The following SSR1 variants were observed in gnomAD, a reference collection of about 807,000 sequenced individuals.
The protein encoded by SSR1 is translocon-associated protein subunit alpha.
A neutral mutation model predicts 36.1 loss-of-function variants in SSR1; 13 were observed. That is an observed-to-expected ratio of 0.36 (90% CI 0.23 to 0.57). The LOEUF is 0.57. Ranked by LOEUF, SSR1 falls within the 20% of genes least tolerant of loss-of-function variation. The pLI, the probability that SSR1 is intolerant of heterozygous loss-of-function variation, is 0.81. For synonymous variants in SSR1, 113 were observed against 118.9 expected, an observed-to-expected ratio of 0.95 and a Z score of 0.32; for missense variants, 291 against 338.5, an observed-to-expected ratio of 0.86 and a Z score of 1.10.
At chr6:7,298,968 A>G (rs1757864738) in intron 4 of SSR1, 145 bp from the exon 5 acceptor site, 1 of 634,756 alleles carries the variant, frequency 1.6e-6, no homozygotes, top group Non-Finnish European at 2.7e-6. Flanking sequence ...ATGTAACTGC[A>G]ATATTCTGTG....
At chr6:7,297,754 A>G (rs917407293) in intron 6 of SSR1, among the ~76,000 whole-genome samples, 169 bp downstream of exon 6, 4 of 152,184 alleles carry the variant, frequency 2.6e-5, no homozygotes, top group African/African-American at 9.7e-5. Flanking sequence ...GTAAGTTTAA[A>G]TGAATCAATT....
rs924327546 is a variant in SSR1 at position 7,285,948 on chromosome 6, T to C, written c.*3916A>G. ...GGTATTGTGGGTAACTGAATTATCATAGATACAATACAGCAAGTATATATG... is the reference window on the plus strand; with the variant it reads ...GGTATTGTGGGTAACTGAATTATCACAGATACAATACAGCAAGTATATATG... On this transcript the variant is annotated 3_prime_UTR_variant, in exon 8 of 8. Transcript: ENST00000244763. This position sits in a 1 kb window ranked among gnomAD's most constrained non-coding sequence, Gnocchi z 4.1. 6.6e-6 allele frequency: 1 copy of C among 152,210 alleles called. No individual in the cohort carries two copies. Among genetic ancestry groups the C allele is most frequent in the Non-Finnish European group, 1.5e-5 (1 of 68,032 alleles). 9.4% of individuals were successfully genotyped at this position (152,210 alleles called of 1,614,324 possible). A position where few individuals can be genotyped will look rare whatever the true frequency, so the allele number is the denominator to read the frequency against.
intron 5 of SSR1, 65 bp downstream of exon 5, chr6:7,298,682 G>C (rs1757856881): frequency 1.6e-6 from 2 of 1,249,916 alleles, no homozygotes; most frequent in South Asian, 2.4e-5. Context: ...TGCTGAAACA[G>C]AGCAAGCTTT....
At chr6:7,291,548 C>T (rs776076293) in intron 7 of SSR1, among the ~76,000 whole-genome samples, 30 of 152,190 alleles carry the variant, frequency 2.0e-4, no homozygotes, top group Non-Finnish European at 4.0e-4. Context: ...GTTTCAGGGG[C>T]TCTTCAACTT....
intron 1 of SSR1, among the ~76,000 whole-genome samples, chr6:7,311,509 T>C (rs1758194501): frequency 6.6e-6 from 1 of 152,240 alleles, no homozygotes; most frequent in African/African-American, 2.4e-5. Context: ...CCATGCATTA[T>C]GAACTAAAGA....
chr6:7,295,130 G>A, intron 7 of SSR1: 1 of 1,515,260 alleles, frequency 6.6e-7, no homozygotes, highest in Middle Eastern at 1.7e-4. Flanking sequence ...AAAGAGACAG[G>A]AAATGGATTA....
intron 2 of SSR1, among the ~76,000 whole-genome samples, chr6:7,308,242 C>G (rs1000490243): frequency 1.2e-4 from 18 of 151,992 alleles, no homozygotes; most frequent in Non-Finnish European, 2.9e-5. Context: ...TAGGGACATC[C>G]TATCCAGATA....
At chr6:7,297,885 T>C (rs751177399) in intron 6 of SSR1, 38 bp downstream of exon 6, 1 of 1,562,328 alleles carries the variant, frequency 6.4e-7, no homozygotes, top group African/African-American at 1.4e-5. Flanking sequence ...TTAACAACTT[T>C]TGAAACACGG....
intron 7 of SSR1, among the ~76,000 whole-genome samples, chr6:7,291,194 G>C (rs1450340282): frequency 6.6e-6 from 1 of 152,122 alleles, no homozygotes; most frequent in Non-Finnish European, 1.5e-5. Flanking sequence ...AGGAGTTCAA[G>C]ACCAGCCCAG....
chr6:7,294,902 C>A (rs974516673), intron 7 of SSR1, among the ~76,000 whole-genome samples: 2 of 152,048 alleles, frequency 1.3e-5, no homozygotes, highest in African/African-American at 4.8e-5. Context: ...TGAAATGTAT[C>A]TGTAAAATAA....
At position 7,309,969 on chromosome 6, in the gene SSR1, A is replaced by C. The variant is rs778128422; in HGVS notation, c.140T>G (p.Ile47Ser). 8.8e-5 allele frequency: 142 copies of C among 1,613,874 alleles called. No homozygotes were observed. The highest frequency in any genetic ancestry group is 1.2e-4 in the Non-Finnish European group (141 of 1,180,010). Residue 47 changes from isoleucine to serine, a missense_variant, in exon 2 of 8, where the codon ATT (isoleucine) becomes AGT (serine). Physicochemically the swap from Ile to Ser is moderately radical, Grantham distance 142 (BLOSUM62 -2). Coordinates refer to ENST00000244763, the MANE Select transcript of SSR1 (RefSeq NM_003144.5). ...CTCGGCTTCATCATCTTCATCCTCA[A>C]TTATGGAATCTTCTACTGTTTCTTC... ...EDEETVEDSI[I>S]EDEDDEAEVE...
Position 7,292,249 on chromosome 6 carries a change from A to C in SSR1, c.794-2318T>G, listed in dbSNP as rs73719086. 1.5e-3 allele frequency among the ~76,000 whole-genome samples: 222 copies of C among 152,240 alleles called. 2 individuals carry two copies. Among genetic ancestry groups the C allele is most frequent in the African/African-American group, 5.1e-3 (212 of 41,532 alleles). On this transcript the variant is annotated intron_variant, in intron 7 of 7. Transcript: ENST00000244763. Reference sequence around the variant, plus strand: ...CACTCAGCATAGCTAATCCAAACACATCTCTCCTCATCCTTCCATGCTTCT... The same window carrying C: ...CACTCAGCATAGCTAATCCAAACACCTCTCTCCTCATCCTTCCATGCTTCT...
chr6:7,303,631 C>T lies in SSR1; in HGVS notation c.199G>A (p.Asp67Asn). 7.5e-6 allele frequency: 12 copies of T among 1,610,358 alleles called. No homozygotes were observed. Among genetic ancestry groups the T allele is most frequent in the Non-Finnish European group, 1.0e-5 (12 of 1,177,386 alleles). ...CCAGACACATCTTCTTCCTCTTTAT[C>T]TTCTACCTAAGAAAAAGAACAATTA... is the stretch of plus-strand genomic sequence containing the variant. ...EEDEPTDLVE[D>N]KEEEDVSGEP... The change falls in exon 3 of 8, where the codon GAT (aspartate) becomes AAT (asparagine). Residue 67 changes from aspartate to asparagine, a missense_variant. By Grantham distance (23) the Asp-to-Asn change is conservative (BLOSUM62 1). Coordinates refer to ENST00000244763, the MANE Select transcript of SSR1 (RefSeq NM_003144.5).
At chr6:7,297,831 A>G in intron 6 of SSR1, 92 bp downstream of exon 6, 1 of 888,930 alleles carries the variant, frequency 1.1e-6, no homozygotes, top group Middle Eastern at 2.2e-4. Flanking sequence ...ACAAACCCAC[A>G]GTGACAGTAT....
intron 3 of SSR1, among the ~76,000 whole-genome samples, chr6:7,302,926 C>G (rs2113291481): frequency 6.6e-6 from 1 of 151,908 alleles, no homozygotes; most frequent in South Asian, 2.1e-4. Flanking sequence ...ATCACGAGGT[C>G]AGGAGTTCGA....
chr6:7,301,704 C>T (rs1252070499), intron 3 of SSR1, 132 bp from the exon 4 acceptor site: 1 of 894,206 alleles, frequency 1.1e-6, no homozygotes, highest in Non-Finnish European at 1.7e-6. Context: ...CAATAGAGCA[C>T]TCCAGTCACC....
chr6:7,298,191 A>G (rs1757845324), intron 5 of SSR1, among the ~76,000 whole-genome samples, 190 bp from the exon 6 acceptor site: 1 of 152,234 alleles, frequency 6.6e-6, no homozygotes, highest in Non-Finnish European at 1.5e-5. Flanking sequence ...CAATTAGTCA[A>G]TTAAAAAAAA....
At chr6:7,297,216 CA>C (rs55729286) in intron 6 of SSR1, 119 of 73,408 alleles carry the variant, frequency 1.6e-3, no homozygotes, top group South Asian at 6.1e-3. Flanking sequence ...CAGACTGTCT[CA>C]AAAAAAAAAA....
chr6:7,299,200 G>A (rs1757871193), intron 4 of SSR1, among the ~76,000 whole-genome samples: 1 of 152,200 alleles, frequency 6.6e-6, no homozygotes, highest in Non-Finnish European at 1.5e-5. Context: ...CTGGGGTAGG[G>A]GTGGTGGTGT....
Sources: gnomAD v4.1 joint callset for allele counts (sites outside exome capture counted in the v4.1 genomes callset) on GRCh38, gnomAD v4.1.1 for gene constraint, Gnocchi (gnomAD v3.1) non-coding constraint, MANE v1.5 for transcripts, NCBI Gene and HGNC (gene_info 2026-07-23, HGNC 2026-07-21) for gene names.